The following RANGAP1 variants were observed in gnomAD, a reference collection of about 807,000 sequenced individuals.
The protein encoded by RANGAP1 is ran GTPase-activating protein 1.
A neutral mutation model predicts 63.5 loss-of-function variants in RANGAP1; 38 were observed. That is an observed-to-expected ratio of 0.60 (90% CI 0.46 to 0.78). The LOEUF (loss-of-function observed/expected upper bound fraction) is 0.78. RANGAP1 is among the 30% of genes least tolerant of loss of function. The pLI, the probability that RANGAP1 is intolerant of heterozygous loss-of-function variation, is 0.00. For missense variants in RANGAP1, 630 were observed against 740.3 expected (o/e 0.85, Z 1.73); for synonymous variants, 329 against 310.5 (o/e 1.06, Z -0.63).
At chr22:41,294,393 G>C in the RANGAP1 span, among the ~76,000 whole-genome samples, 1 of 151,930 alleles carries the variant, frequency 6.6e-6, no homozygotes, top group Non-Finnish European at 1.5e-5. Context: ...GCGTGATCTC[G>C]GCTCGCTACA....
the RANGAP1 span, among the ~76,000 whole-genome samples, chr22:41,299,863 T>C: frequency 1.3e-5 from 2 of 151,888 alleles, no homozygotes; most frequent in Non-Finnish European, 2.9e-5. Flanking sequence ...GCCATTCTCC[T>C]GTCTCAGCCT....
At chr22:41,248,125 C>T (rs576350549) in intron 15 of RANGAP1, among the ~76,000 whole-genome samples, 4 of 147,834 alleles carry the variant, frequency 2.7e-5, no homozygotes, top group South Asian at 4.4e-4. Flanking sequence ...ATGGGCAAAG[C>T]TCGGCACTGC....
chr22:41,290,069 C>T (rs777831642), upstream of RANGAP1, among the ~76,000 whole-genome samples: 24 of 150,404 alleles, frequency 1.6e-4, no homozygotes, highest in Admixed American at 6.0e-4. Flanking sequence ...GAGCCCAGAA[C>T]GTGGAGGTTG....
At chr22:41,256,593 G>A (rs1448177156) in intron 8 of RANGAP1, 118 bp downstream of exon 8, 1 of 846,390 alleles carries the variant, frequency 1.2e-6, no homozygotes, top group Non-Finnish European at 1.8e-6. Flanking sequence ...AGGGCCCGAA[G>A]TGGAGGAGCT....
the RANGAP1 span, among the ~76,000 whole-genome samples, chr22:41,298,195 G>A: frequency 1.1e-4 from 16 of 151,138 alleles, no homozygotes; most frequent in Non-Finnish European, 2.1e-4. Flanking sequence ...TAGAGACAGG[G>A]TTTCACCATA....
At chr22:41,256,997 ACCT>A (rs1033661212) in intron 7 of RANGAP1, among the ~76,000 whole-genome samples, 173 bp from the exon 8 acceptor site, 10 of 150,946 alleles carry the variant, frequency 6.6e-5, no homozygotes, top group Non-Finnish European at 3.0e-5. Context: ...CCCTGGCCAA[ACCT>A]CCTCCACCCC....
chr22:41,275,129 T>G (rs2035059774), intron 2 of RANGAP1, among the ~76,000 whole-genome samples: 3 of 152,142 alleles, frequency 2.0e-5, no homozygotes, highest in African/African-American at 4.8e-5. Context: ...GATTCATGTG[T>G]GGGGTGTTTG....
intron 14 of RANGAP1, 83 bp from the exon 15 acceptor site, chr22:41,249,534 A>G: frequency 6.3e-7 from 1 of 1,588,510 alleles, no homozygotes; most frequent in Admixed American, 1.7e-5. Context: ...GACTCTGCTG[A>G]TAGTGCCCAC....
chr22:41,250,294 A>G (rs2033351590), intron 13 of RANGAP1, among the ~76,000 whole-genome samples: 1 of 152,186 alleles, frequency 6.6e-6, no homozygotes, highest in Non-Finnish European at 1.5e-5. Flanking sequence ...CCTCCTTCCG[A>G]GCCTCATTTC....
upstream of RANGAP1, among the ~76,000 whole-genome samples, chr22:41,287,387 T>G (rs1371700175): frequency 6.6e-6 from 1 of 151,712 alleles, no homozygotes; most frequent in Admixed American, 6.6e-5. Flanking sequence ...TTTTTGTTTT[T>G]TTTTTTTGAG....
At chr22:41,264,517 G>C (rs893281120) in intron 5 of RANGAP1, 147 bp downstream of exon 5, 1 of 1,088,802 alleles carries the variant, frequency 9.2e-7, no homozygotes, top group East Asian at 2.7e-5. Flanking sequence ...TCTACCCTCC[G>C]GCCACAGGCT....
chr22:41,270,906 GAACAA>G (rs1378018894), intron 3 of RANGAP1, among the ~76,000 whole-genome samples: 1 of 150,600 alleles, frequency 6.6e-6, no homozygotes, highest in African/African-American at 2.4e-5. Context: ...AGGTCATTCG[GAACAA>G]AGCTCCCCAA....
At position 41,256,804 on chromosome 22, in the gene RANGAP1, C is replaced by G. The variant is rs781392309; in HGVS notation, c.795G>C (p.Gln265His). The change falls in exon 8 of 16, where the codon CAG (glutamine) becomes CAC (histidine). Residue 265 changes from glutamine to histidine, a missense_variant. By Grantham distance (24) the Gln-to-His change is conservative. Transcript: ENST00000356244. ...AMAETLKTLR[Q>H]VEVINFGDCL... The stretch of plus-strand genomic sequence containing the variant: ...AGTCCCCAAAATTAATCACCTCCAC[C>G]TGCCGCAAGGTCTTCAAGGTCTGTG... The G allele has an allele frequency of 6.2e-7, 1 of 1,614,136 alleles. No individual in the cohort carries two copies. The highest frequency in any genetic ancestry group is 8.5e-7 in the Non-Finnish European group (1 of 1,180,012).
At position 41,249,337 on chromosome 22, in the gene RANGAP1, C is replaced by T. The variant is rs200464078; in HGVS notation, c.1687G>A (p.Val563Met). ...KALAPLLLAF[V>M]TKPNSALESC... ...GGACAAGGCCACACTCACTTGGTCA[C>T]GAACGCCAGCAGCAGGGGTGCAAGG... Residue 563 changes from valine (V) to methionine (M), a missense_variant, in exon 15 of 16, where the codon GTG (valine) becomes ATG (methionine). Transcript: ENST00000356244. 1.8e-5 allele frequency: 29 copies of T among 1,602,006 alleles called. No homozygotes were observed. In the East Asian group the frequency reaches 2.7e-4, roughly 15 times the overall value.
intron 1 of RANGAP1, among the ~76,000 whole-genome samples, chr22:41,284,482 G>A (rs543970044): frequency 3.9e-5 from 6 of 152,006 alleles, no homozygotes; most frequent in South Asian, 2.1e-4. Context: ...CAGGAGAATC[G>A]CTTGAATCTG....
At chr22:41,276,738 G>A (rs1036754426) in intron 2 of RANGAP1, among the ~76,000 whole-genome samples, 1 of 152,012 alleles carries the variant, frequency 6.6e-6, no homozygotes, top group African/African-American at 2.4e-5. Context: ...AGCACTTTGG[G>A]AGGCCAAGGC....
intron 15 of RANGAP1, 111 bp from the exon 16 acceptor site, chr22:41,246,783 G>C: frequency 2.9e-6 from 3 of 1,034,524 alleles, no homozygotes; most frequent in Non-Finnish European, 1.5e-6. Flanking sequence ...CAACGACTCA[G>C]CAAGAGAGAC....
At chr22:41,271,777 C>T (rs148008737) in intron 3 of RANGAP1, among the ~76,000 whole-genome samples, 14 of 152,292 alleles carry the variant, frequency 9.2e-5, no homozygotes, top group African/African-American at 3.4e-4. Context: ...CTACACTTCT[C>T]TCGCCCGTCA....
At chr22:41,298,795 A>G in the RANGAP1 span, among the ~76,000 whole-genome samples, 31 of 152,308 alleles carry the variant, frequency 2.0e-4, no homozygotes, top group African/African-American at 6.7e-4. Context: ...CATCGAGTAC[A>G]GTACTCACAT....
Sources: allele counts gnomAD v4.1 joint callset (sites outside exome capture counted in the v4.1 genomes callset), GRCh38; gene constraint gnomAD v4.1.1; transcripts MANE v1.5; gene names NCBI Gene and HGNC (gene_info 2026-07-23, HGNC 2026-07-21).